Variants in DLG1 observed in about 807,000 individuals in gnomAD.
The protein encoded by DLG1 is disks large homolog 1.
In DLG1, 42 loss-of-function variants were observed where a neutral mutation model predicts 123.4. The observed-to-expected ratio is 0.34, with a 90% confidence interval of 0.27 to 0.44. The LOEUF is 0.44. Ranked by LOEUF, DLG1 falls within the 20% of genes least tolerant of loss-of-function variation. The pLI, the probability that DLG1 is intolerant of heterozygous loss-of-function variation, is 1.00. For missense variants in DLG1, 942 were observed against 1,082.6 expected (o/e 0.87, Z 1.82); for synonymous variants, 317 against 356.2 (o/e 0.89, Z 1.24).
chr3:197,138,233 T>C lies in DLG1; in HGVS notation c.872A>G (p.Lys291Arg). 1 of 1,581,848 alleles carries C rather than the reference T, an allele frequency of 6.3e-7. No individual in the cohort carries two copies. Among genetic ancestry groups the C allele is most frequent in the Non-Finnish European group, 8.6e-7 (1 of 1,159,522 alleles). The change falls in exon 9 of 25, where the codon AAA becomes AGA. Residue 291 changes from lysine to arginine, a missense_variant. Transcript: ENST00000667157. ...GACTTACCACATACCTTTAGGACCT[T>C]TAATGAGCTTTATTTCCATTATTTT... ...SEKIMEIKLIKGPKGLGFSIA... is the reference protein window; with the variant it reads ...SEKIMEIKLIRGPKGLGFSIA...
intron 4 of DLG1, among the ~76,000 whole-genome samples, chr3:197,212,188 G>A (rs1731581643): frequency 1.4e-5 from 2 of 145,896 alleles, no homozygotes; most frequent in African/African-American, 4.9e-5. Flanking sequence ...ATGTAACAAA[G>A]CTTCACGTGT....
chr3:197,081,776 G>GAGAC (rs1301315268), intron 16 of DLG1, among the ~76,000 whole-genome samples: 1 of 152,176 alleles, frequency 6.6e-6, no homozygotes, highest in Non-Finnish European at 1.5e-5. Flanking sequence ...GGTGTTGTGA[G>GAGAC]AGACAGCCTG....
intron 11 of DLG1, among the ~76,000 whole-genome samples, chr3:197,124,885 T>A (rs891884375): frequency 1.3e-5 from 2 of 152,156 alleles, no homozygotes; most frequent in African/African-American, 2.4e-5. Flanking sequence ...AAGGAGTATG[T>A]AAACATGTTC....
chr3:197,217,935 T>C (rs1430096595), intron 4 of DLG1, among the ~76,000 whole-genome samples: 1 of 152,240 alleles, frequency 6.6e-6, no homozygotes, highest in East Asian at 1.9e-4. Flanking sequence ...GTGTAGTTTA[T>C]TATATGTGAA....
intron 13 of DLG1, among the ~76,000 whole-genome samples, chr3:197,114,548 C>A (rs193035781): frequency 1.3e-5 from 2 of 152,268 alleles, no homozygotes; most frequent in East Asian, 3.9e-4. Flanking sequence ...AGAATATTTA[C>A]GATTAAGGAA....
intron 23 of DLG1, among the ~76,000 whole-genome samples, chr3:197,052,187 G>A (rs1728282855): frequency 1.3e-5 from 2 of 151,706 alleles, no homozygotes; most frequent in African/African-American, 4.8e-5. Context: ...GGACATGGTG[G>A]CTAATACCTG....
chr3:197,284,348 AAAAC>A (rs2151170757), intron 3 of DLG1, among the ~76,000 whole-genome samples: 1 of 152,310 alleles, frequency 6.6e-6, no homozygotes, highest in African/African-American at 2.4e-5. Context: ...CACACTATGT[AAAAC>A]AAAATCCAAC....
At chr3:197,092,595 G>C (rs1758358155) in intron 14 of DLG1, among the ~76,000 whole-genome samples, 1 of 152,046 alleles carries the variant, frequency 6.6e-6, no homozygotes, top group African/African-American at 2.4e-5. Flanking sequence ...TGAGCTCCTG[G>C]GCTCAAGCAA....
intron 19 of DLG1, chr3:197,068,573 G>A (rs1741372411): frequency 2.1e-6 from 3 of 1,431,056 alleles, no homozygotes; most frequent in Non-Finnish European, 2.9e-6. Flanking sequence ...AAGAAAGTTA[G>A]AAAAGTAATT....
At chr3:197,081,744 T>C (rs1751279922) in intron 16 of DLG1, among the ~76,000 whole-genome samples, 1 of 152,180 alleles carries the variant, frequency 6.6e-6, no homozygotes, top group African/African-American at 2.4e-5. Flanking sequence ...CTGTTAATCT[T>C]TACCCCTATG....
At chr3:197,080,242 T>C (rs981775433) in intron 17 of DLG1, among the ~76,000 whole-genome samples, 5 of 144,656 alleles carry the variant, frequency 3.5e-5, no homozygotes, top group Non-Finnish European at 6.0e-5. Flanking sequence ...TTCTAAAATA[T>C]ATGATGAAAG....
intron 4 of DLG1, among the ~76,000 whole-genome samples, chr3:197,199,951 T>C (rs997973944): frequency 2.0e-5 from 3 of 152,152 alleles, no homozygotes; most frequent in African/African-American, 7.2e-5. Context: ...CATTTCCTCA[T>C]CCTTTTTTAT....
chr3:197,132,181 G>A (rs886311307), intron 10 of DLG1, among the ~76,000 whole-genome samples: 45 of 150,568 alleles, frequency 3.0e-4, no homozygotes, highest in Non-Finnish European at 5.9e-4. Context: ...TTTCAGTTTT[G>A]TCTGTCTTCT....
chr3:197,069,365 T>C (rs1742003956), intron 18 of DLG1, 105 bp from the exon 19 acceptor site: 19 of 651,268 alleles, frequency 2.9e-5, no homozygotes, highest in Non-Finnish European at 4.6e-5. Flanking sequence ...ACAAAATAAT[T>C]TTTTAAAAGC....
intron 4 of DLG1, among the ~76,000 whole-genome samples, chr3:197,253,954 A>C (rs1755676538): frequency 6.6e-6 from 1 of 152,152 alleles, no homozygotes; most frequent in South Asian, 2.1e-4. Flanking sequence ...AAATTTCTGC[A>C]CACGAAGGAA....
intron 6 of DLG1, among the ~76,000 whole-genome samples, chr3:197,149,390 T>G (rs1203971793): frequency 6.6e-6 from 1 of 152,174 alleles, no homozygotes; most frequent in Non-Finnish European, 1.5e-5. Context: ...AAAAAAAACC[T>G]GGTTACTAAA....
Position 197,069,259 on chromosome 3 carries a change from C to T in DLG1, c.2007G>A (p.Gln669=), listed in dbSNP as rs759793588. The change falls in exon 19 of 25, where the codon CAG becomes CAA. Residue 669 remains glutamine, a splice_region_variant and synonymous_variant. Coordinates refer to ENST00000667157, the MANE Select transcript of DLG1 (RefSeq NM_001366207.1). The stretch of plus-strand genomic sequence containing the variant: ...TATCGCTGGCATTAGAAGTTACATG[C>T]TCTGAAATTGCAGGACAATGAAAAA... ...QSEQETSDAD[Q]HVTSNASDSE... 6.3e-7 allele frequency: 1 copy of T among 1,583,928 alleles called. No homozygotes were observed. The highest frequency in any genetic ancestry group is 8.6e-7 in the Non-Finnish European group (1 of 1,164,268).
intron 4 of DLG1, among the ~76,000 whole-genome samples, chr3:197,211,174 T>A (rs946750942): frequency 5.5e-5 from 8 of 146,106 alleles, no homozygotes; most frequent in Admixed American, 4.8e-4. Context: ...CTAAATCTGA[T>A]AAAGGGCATT....
chr3:197,105,144 G>C, intron 13 of DLG1, 139 bp from the exon 14 acceptor site: 1 of 540,130 alleles, frequency 1.9e-6, no homozygotes, highest in Non-Finnish European at 3.3e-6. Flanking sequence ...TGTTCTGATT[G>C]ACTAAAAATA....
Sources: gnomAD v4.1 joint callset for allele counts (sites outside exome capture counted in the v4.1 genomes callset) on GRCh38, gnomAD v4.1.1 for gene constraint, MANE v1.5 for transcripts, NCBI Gene and HGNC (gene_info 2026-07-23, HGNC 2026-07-21) for gene names.